TENM3: variants seen among roughly 807,000 people sequenced by gnomAD.
TENM3 encodes teneurin-3.
A neutral mutation model predicts 255.1 loss-of-function variants in TENM3; 63 were observed. That is an observed-to-expected ratio of 0.25 (90% CI 0.20 to 0.30). The LOEUF (loss-of-function observed/expected upper bound fraction) is 0.30. Ranked by LOEUF, TENM3 falls within the 10% of genes least tolerant of loss-of-function variation. The probability of loss-of-function intolerance (pLI) is 1.00; values close to 1 mark genes in which losing one functional copy is unlikely to be tolerated. For missense variants in TENM3, 2,929 were observed against 3,461.1 expected, an observed-to-expected ratio of 0.85 and a Z score of 3.86; for synonymous variants, 1,306 against 1,322.3, an observed-to-expected ratio of 0.99 and a Z score of 0.27.
the TENM3 span, among the ~76,000 whole-genome samples, chr4:181,508,233 A>G: frequency 1.3e-5 from 2 of 152,150 alleles, no homozygotes; most frequent in African/African-American, 2.4e-5. Flanking sequence ...GCCACGGGCC[A>G]TGTTTCAGTG....
intron 2 of TENM3, among the ~76,000 whole-genome samples, chr4:182,345,089 CAGCTAATTGT>C (rs1480941218): frequency 6.6e-6 from 1 of 152,146 alleles, no homozygotes; most frequent in Non-Finnish European, 1.5e-5. Context: ...CTTTGATTTG[CAGCTAATTGT>C]AGCAACTGAT....
chr4:182,125,630 T>C, the TENM3 span, among the ~76,000 whole-genome samples: 1 of 152,228 alleles, frequency 6.6e-6, no homozygotes, highest in Non-Finnish European at 1.5e-5. Context: ...GTAGAACATT[T>C]AGAAACATCC....
chr4:182,737,103 G>T, intron 17 of TENM3, 28 bp downstream of exon 17: 1 of 1,595,030 alleles, frequency 6.3e-7, no homozygotes, highest in South Asian at 1.1e-5. Flanking sequence ...CTTTGCTGCA[G>T]TGAAGTTTTT....
chr4:181,628,151 G>T, the TENM3 span, among the ~76,000 whole-genome samples: 1 of 152,154 alleles, frequency 6.6e-6, no homozygotes, highest in Non-Finnish European at 1.5e-5. Flanking sequence ...AGAAGTGTCT[G>T]TTCCTATCCT....
At chr4:182,524,473 T>A (rs1183793496) in intron 3 of TENM3, among the ~76,000 whole-genome samples, 3 of 146,774 alleles carry the variant, frequency 2.0e-5, no homozygotes, top group Non-Finnish European at 4.5e-5. Flanking sequence ...GCAATCTTTC[T>A]CAAGCCTCTC....
At chr4:181,839,390 T>C in the TENM3 span, among the ~76,000 whole-genome samples, 2 of 104,232 alleles carry the variant, frequency 1.9e-5, no homozygotes, top group African/African-American at 3.5e-5. Context: ...TATATACACC[T>C]ATATACATAT....
the TENM3 span, among the ~76,000 whole-genome samples, chr4:181,698,560 T>G: frequency 6.6e-6 from 1 of 152,122 alleles, no homozygotes; most frequent in Non-Finnish European, 1.5e-5. Flanking sequence ...CTCAAAACAA[T>G]TACATTTTTG....
the TENM3 span, among the ~76,000 whole-genome samples, chr4:181,838,801 G>A: frequency 2.0e-5 from 3 of 151,342 alleles, no homozygotes; most frequent in South Asian, 2.1e-4. Flanking sequence ...TAGGAGTTTG[G>A]CAATTTCATT....
At chr4:182,159,611 T>A (rs759910558) in intron 1 of TENM3, among the ~76,000 whole-genome samples, 18 of 152,270 alleles carry the variant, frequency 1.2e-4, no homozygotes, top group Middle Eastern at 3.4e-3. Context: ...ACCTAGAATC[T>A]TACTTTTAAT....
At chr4:182,250,074 A>T in intron 1 of TENM3, among the ~76,000 whole-genome samples, 1 of 129,092 alleles carries the variant, frequency 7.7e-6, no homozygotes, top group East Asian at 2.2e-4. Flanking sequence ...TTTTTTTGAG[A>T]CGGAGTCTTG....
At chr4:181,872,050 CCA>C in the TENM3 span, among the ~76,000 whole-genome samples, 1 of 151,900 alleles carries the variant, frequency 6.6e-6, no homozygotes, top group East Asian at 1.9e-4. Flanking sequence ...AAGTTTTATT[CCA>C]AGACACTGTT....
At chr4:182,021,674 T>A in the TENM3 span, among the ~76,000 whole-genome samples, 53,989 of 152,020 alleles carry the variant, frequency 0.36, 9,972 homozygotes, top group Middle Eastern at 0.41. Context: ...TGCATATCAC[T>A]GTATCCCTTT....
chr4:182,615,346 T>C (rs1308319970), intron 4 of TENM3, among the ~76,000 whole-genome samples: 1 of 152,068 alleles, frequency 6.6e-6, no homozygotes, highest in Admixed American at 6.6e-5. Flanking sequence ...TAGTACTCTC[T>C]CTGCGAAGAA....
At chr4:182,519,165 C>T (rs62337235) in intron 3 of TENM3, among the ~76,000 whole-genome samples, 1 of 130,124 alleles carries the variant, frequency 7.7e-6, no homozygotes, top group Non-Finnish European at 1.8e-5. Context: ...AGCTTTAGTG[C>T]CAAAAAAAAA....
At chr4:182,403,808 A>G (rs1454895474) in intron 3 of TENM3, among the ~76,000 whole-genome samples, 1 of 151,302 alleles carries the variant, frequency 6.6e-6, no homozygotes, top group Non-Finnish European at 1.5e-5. Context: ...TGCAGCCCCA[A>G]CCTCCTGGGC....
At chr4:181,808,366 G>T in the TENM3 span, among the ~76,000 whole-genome samples, 1 of 152,160 alleles carries the variant, frequency 6.6e-6, no homozygotes, top group Non-Finnish European at 1.5e-5. Flanking sequence ...CTGCCAAATA[G>T]TTTGATGACA....
chr4:181,771,211 AAG>A, the TENM3 span, among the ~76,000 whole-genome samples: 226 of 152,368 alleles, frequency 1.5e-3, no homozygotes, highest in African/African-American at 5.3e-3. Context: ...CAGAAATAGA[AAG>A]AGAGGAATTC....
chr4:182,161,652 TACAC>T lies in TENM3; in HGVS notation c.-76+16906_-76+16909del, dbSNP rs1168624045. On this transcript the variant is annotated intron_variant, in intron 1 of 2. Transcript: ENST00000512480. ...AAATATATATATGTATATATATATA[TACAC>T]ACACACAAATATATATATGTATATA... is the stretch of plus-strand genomic sequence containing the variant. 5.7e-3 allele frequency among the ~76,000 whole-genome samples: 430 copies of T among 75,570 alleles called. 8 individuals are homozygous for T. Among genetic ancestry groups the T allele is most frequent in the East Asian group, 0.036 (43 of 1,186 alleles). 49.6% of individuals were successfully genotyped at this position (75,570 alleles called of 152,430 possible).
At chr4:182,514,536 C>A (rs1737742178) in intron 3 of TENM3, among the ~76,000 whole-genome samples, 2 of 152,220 alleles carry the variant, frequency 1.3e-5, no homozygotes, top group African/African-American at 4.8e-5. Flanking sequence ...TGAAACACAG[C>A]AACAAGTCCA....
Sources: gnomAD v4.1 joint callset for allele counts (sites outside exome capture counted in the v4.1 genomes callset) on GRCh38, gnomAD v4.1.1 for gene constraint, MANE v1.5 for transcripts, NCBI Gene and HGNC (gene_info 2026-07-23, HGNC 2026-07-21) for gene names.